Variants in CARF observed in about 807,000 individuals in gnomAD.
The protein encoded by CARF is calcium-responsive transcription factor.
In CARF, 57 loss-of-function variants were observed where a neutral mutation model predicts 82.0. The ratio of observed to expected loss-of-function variants is 0.70; its 90% CI spans 0.56 to 0.87. The LOEUF is 0.87. Among genes scored for constraint, CARF ranks in the 40% least tolerant of loss-of-function variants. The probability of loss-of-function intolerance (pLI) is 0.00; values close to 1 mark genes in which losing one functional copy is unlikely to be tolerated. For missense variants in CARF, 771 were observed against 855.8 expected (o/e 0.90, Z 1.24); for synonymous variants, 268 against 290.1 (o/e 0.92, Z 0.77).
At chr2:202,969,795 ATACTT>A (rs1462085693) in intron 10 of CARF, 119 bp from the exon 11 acceptor site, 5 of 559,732 alleles carry the variant, frequency 8.9e-6, no homozygotes, top group African/African-American at 7.9e-5. Flanking sequence ...AAGCCTCTGA[ATACTT>A]TACAGATAAA....
intron 2 of CARF, among the ~76,000 whole-genome samples, chr2:202,923,943 A>T (rs1408119456): frequency 6.6e-6 from 1 of 152,224 alleles, no homozygotes; most frequent in African/African-American, 2.4e-5. Flanking sequence ...ATGAAACTGG[A>T]TCCTCATCTC....
intron 12 of CARF, 72 bp from the exon 13 acceptor site, chr2:202,974,262 C>A: frequency 9.1e-7 from 1 of 1,099,012 alleles, no homozygotes; most frequent in Non-Finnish European, 1.3e-6. Context: ...GAAAGAGAAC[C>A]TTTCTGTCTT....
rs999124290 is a variant in CARF at position 202,913,008 on chromosome 2, T to C, written c.-424T>C. 4 of 152,206 alleles carry C rather than the reference T, an allele frequency of 2.6e-5. No individual in the cohort carries two copies. The highest frequency in any genetic ancestry group is 9.7e-5 in the African/African-American group (4 of 41,426). The allele number at this position is 152,206 out of a possible 1,614,324, so 9.4% of individuals were successfully genotyped here. ...GAGGGAGGATGGATGGAGATAACTA[T>C]CCTGATCCCAATGTCACTTTTTAAG... On this transcript the variant is annotated 5_prime_UTR_variant, in exon 1 of 17. Coordinates refer to ENST00000438828, the MANE Select transcript of CARF (RefSeq NM_024744.17).
chr2:202,965,315 G>T (rs2059503033), intron 9 of CARF, among the ~76,000 whole-genome samples: 1 of 152,062 alleles, frequency 6.6e-6, no homozygotes, highest in Admixed American at 6.6e-5. Flanking sequence ...CCATCTGTAT[G>T]TGTCTCTCTG....
rs1265918679 is a variant in CARF, at chr2:202,986,942, AT to A, written c.*3325del. ...ATGTATAGTGTCCTTGTTACCATGTATTTTTTTCATTAAAAATCCTGCTTTT... is the reference window on the plus strand; with the variant it reads ...ATGTATAGTGTCCTTGTTACCATGTATTTTTTCATTAAAAATCCTGCTTTT... On this transcript the variant is annotated 3_prime_UTR_variant, in exon 17 of 17. Coordinates refer to ENST00000438828, the MANE Select transcript of CARF (RefSeq NM_024744.17). The A allele has an allele frequency of 1.5e-5, 2 of 132,310 alleles. No homozygotes were observed. The highest frequency in any genetic ancestry group is 3.3e-5 in the Non-Finnish European group (2 of 61,472). The allele number at this position is 132,310 out of a possible 1,614,324, so 8.2% of individuals were successfully genotyped here.
chr2:202,942,864 C>G lies in CARF; in HGVS notation c.203C>G (p.Thr68Ser). The G allele has an allele frequency of 6.2e-7, 1 of 1,614,152 alleles. No homozygotes were observed. Among genetic ancestry groups the G allele is most frequent in the South Asian group, 1.1e-5 (1 of 91,084 alleles). ...LISQNIPGPL[T>S]QTQTLSAEQF... ...TCACAGAATATACCAGGGCCCCTGACTCAGACACAGACTCTTTCTGCAGAG... is the reference window on the plus strand; with the variant it reads ...TCACAGAATATACCAGGGCCCCTGAGTCAGACACAGACTCTTTCTGCAGAG... The change falls in exon 5 of 17, where the codon ACT becomes AGT. Residue 68 changes from threonine (T) to serine (S), a missense_variant. Coordinates refer to ENST00000438828, the MANE Select transcript of CARF (RefSeq NM_024744.17).
chr2:202,938,114 T>G (rs1455890268), intron 3 of CARF, among the ~76,000 whole-genome samples: 1 of 152,194 alleles, frequency 6.6e-6, no homozygotes, highest in Non-Finnish European at 1.5e-5. Flanking sequence ...CCAATTATAC[T>G]CTTTTAATTA....
chr2:202,982,589 T>C (rs1411285821), intron 16 of CARF, 148 bp downstream of exon 16: 9 of 738,830 alleles, frequency 1.2e-5, no homozygotes, highest in South Asian at 2.1e-5. Flanking sequence ...AAGGAGGAGA[T>C]TTCATTACCC....
intron 5 of CARF, 53 bp from the exon 6 acceptor site, chr2:202,952,506 G>C: frequency 1.3e-6 from 2 of 1,529,022 alleles, no homozygotes; most frequent in Middle Eastern, 1.7e-4. Context: ...AATAATTTTT[G>C]TTAAATCAGT....
At chr2:202,961,190 A>G (rs2059305796) in intron 8 of CARF, 47 bp from the exon 9 acceptor site, 2 of 1,453,724 alleles carry the variant, frequency 1.4e-6, no homozygotes, top group Admixed American at 1.9e-5. Flanking sequence ...TTTATTATGC[A>G]ATGAAGTGTA....
At chr2:202,915,371 C>T (rs1322180754) in intron 1 of CARF, among the ~76,000 whole-genome samples, 1 of 152,152 alleles carries the variant, frequency 6.6e-6, no homozygotes, top group Non-Finnish European at 1.5e-5. Flanking sequence ...TCTCATCTCA[C>T]TGCAACCTCT....
At position 202,981,634 on chromosome 2, in the gene CARF, CT is replaced by C. The variant is rs760274901; in HGVS notation, c.1640del (p.Leu547CysfsTer37). On this transcript the variant is annotated frameshift_variant, in exon 15 of 17. Transcript: ENST00000438828. LOFTEE classifies it high-confidence loss of function. ...RGSLSPEPTHLLSSLSSFQPK... is the reference protein window; with the variant it reads ...RGSLSPEPTHXLSSLSSFQPK... ...GTTCTTTGTCTCCTGAGCCAACCCACTTGCTCTCCTCACTCTCCTCATTTCA... is the reference window on the plus strand; with the variant it reads ...GTTCTTTGTCTCCTGAGCCAACCCACTGCTCTCCTCACTCTCCTCATTTCA... The C allele has an allele frequency of 6.2e-7, 1 of 1,612,168 alleles. No individual in the cohort carries two copies. The highest frequency in any genetic ancestry group is 8.5e-7 in the Non-Finnish European group (1 of 1,178,768).
chr2:202,943,188 A>C (rs1465588490), intron 5 of CARF, among the ~76,000 whole-genome samples: 5 of 151,874 alleles, frequency 3.3e-5, no homozygotes, highest in Non-Finnish European at 7.4e-5. Context: ...TCTCCTGCCT[A>C]AGCCTCCCAA....
At chr2:202,964,383 G>C (rs1483384302) in intron 9 of CARF, among the ~76,000 whole-genome samples, 1 of 152,084 alleles carries the variant, frequency 6.6e-6, no homozygotes, top group Non-Finnish European at 1.5e-5. Flanking sequence ...TGGCTCAAGA[G>C]ATCCTCCTGC....
At chr2:202,935,068 C>T (rs1320735019) in intron 3 of CARF, among the ~76,000 whole-genome samples, 2 of 121,170 alleles carry the variant, frequency 1.7e-5, no homozygotes, top group Non-Finnish European at 1.7e-5. Context: ...CAGAGTGAGA[C>T]CTTGTCTCAA....
chr2:202,965,348 G>T (rs2059505406), intron 9 of CARF, among the ~76,000 whole-genome samples: 1 of 152,106 alleles, frequency 6.6e-6, no homozygotes. Flanking sequence ...AGATTGATCA[G>T]TGGATTCAGT....
Position 202,986,868 on chromosome 2 carries a change from G to GCA in CARF, c.*3244_*3245insCA, listed in dbSNP as rs2060443718. 3.4e-5 allele frequency: 1 copy of GCA among 29,638 alleles called. No homozygotes were observed. Among genetic ancestry groups the GCA allele is most frequent in the Admixed American group, 4.1e-4 (1 of 2,466 alleles). The allele number at this position is 29,638 out of a possible 1,614,324, so 1.8% of individuals were successfully genotyped here. ...AAAGAGGTTTAAAAAATGTCTGTGC[G>GCA]TATATATATATATATATATATATAT... On this transcript the variant is annotated 3_prime_UTR_variant, in exon 17 of 17. Coordinates refer to ENST00000438828, the MANE Select transcript of CARF (RefSeq NM_024744.17).
At chr2:202,954,691 G>C (rs2058945968) in intron 7 of CARF, among the ~76,000 whole-genome samples, 1 of 148,670 alleles carries the variant, frequency 6.7e-6, no homozygotes, top group Admixed American at 6.8e-5. Flanking sequence ...CAGCCTGGGT[G>C]ACAGAGCGAG....
Position 202,986,897 on chromosome 2 carries a change from T to TATAC in CARF, c.*3276_*3277insCATA, listed in dbSNP as rs1429542495. The TATAC allele has an allele frequency of 2.9e-4, 39 of 135,870 alleles. No individual in the cohort carries two copies. The highest frequency in any genetic ancestry group is 4.1e-4 in the East Asian group (2 of 4,860). 8.4% of individuals were successfully genotyped at this position (135,870 alleles called of 1,614,324 possible). A position where few individuals can be genotyped will look rare whatever the true frequency, so the allele number is the denominator to read the frequency against. On this transcript the variant is annotated 3_prime_UTR_variant, in exon 17 of 17. Coordinates refer to ENST00000438828, the MANE Select transcript of CARF (RefSeq NM_024744.17). ...ATATATATATATATATATATATATA[T>TATAC]ATATATATATAGCAACTTGATGTAT...
Sources: allele counts gnomAD v4.1 joint callset (sites outside exome capture counted in the v4.1 genomes callset), GRCh38; gene constraint gnomAD v4.1.1; transcripts MANE v1.5; gene names NCBI Gene and HGNC (gene_info 2026-07-23, HGNC 2026-07-21).